Variants in INPP5A observed in about 807,000 individuals in gnomAD.
The protein encoded by INPP5A is inositol polyphosphate-5-phosphatase A.
Under a neutral mutation model 65.2 loss-of-function variants are expected in INPP5A, and 14 were observed. That is an observed-to-expected ratio of 0.21 (90% CI 0.14 to 0.34). The LOEUF is 0.34. Among genes scored for constraint, INPP5A ranks in the 10% least tolerant of loss-of-function variants. The pLI, the probability that INPP5A is intolerant of heterozygous loss-of-function variation, is 1.00. For missense variants in INPP5A, 431 were observed against 545.6 expected (o/e 0.79, Z 2.09); for synonymous variants, 207 against 208.3 (o/e 0.99, Z 0.05).
chr10:132,754,591 G>A (rs969533436), intron 11 of INPP5A, among the ~76,000 whole-genome samples: 35 of 152,360 alleles, frequency 2.3e-4, no homozygotes, highest in African/African-American at 7.9e-4. Flanking sequence ...AACCACACAC[G>A]AATTTCCTTT....
chr10:132,741,802 C>T lies in INPP5A; in HGVS notation c.733-7715C>T, dbSNP rs1032956206. Among the ~76,000 whole-genome samples the T allele has an allele frequency of 1.5e-4, 16 of 108,644 alleles. No homozygotes were observed. Among genetic ancestry groups the T allele is most frequent in the African/African-American group, 4.5e-4 (15 of 33,496 alleles). The allele number at this position is 108,644 out of a possible 152,430, so 71.3% of individuals were successfully genotyped here. A position where few individuals can be genotyped will look rare whatever the true frequency, so the allele number is the denominator to read the frequency against. On this transcript the variant is annotated intron_variant, in intron 9 of 15. Transcript: ENST00000368594. This position sits in a 1 kb window ranked among gnomAD's most constrained non-coding sequence, Gnocchi z 4.4. ...GCGTCCGCTTGCTTTACTCAATAGC[C>T]GACGTAAACTGAGGTGGACGTTGGC...
chr10:132,757,679 C>T (rs947991347), intron 11 of INPP5A, among the ~76,000 whole-genome samples: 8 of 152,208 alleles, frequency 5.3e-5, no homozygotes, highest in Admixed American at 3.3e-4. Context: ...TGGACCACAG[C>T]GGAGCAGAGA....
Position 132,697,987 on chromosome 10 carries a change from A to G in INPP5A, c.474+68A>G. On this transcript the variant is annotated intron_variant, in intron 6 of 15. Coordinates refer to ENST00000368594, the MANE Select transcript of INPP5A (RefSeq NM_005539.5). The surrounding 1 kb of genome is among the most constrained non-coding windows in gnomAD (Gnocchi z 5.6). ...GTGAGCCAGTCAGAAGTGACATGGA[A>G]CACGGAATTTTCGCATTGCACTGTT... is the stretch of plus-strand genomic sequence containing the variant. 9.4e-7 allele frequency: 1 copy of G among 1,065,362 alleles called. No individual in the cohort carries two copies. Among genetic ancestry groups the G allele is most frequent in the Non-Finnish European group, 1.4e-6 (1 of 694,460 alleles). 66.0% of individuals were successfully genotyped at this position (1,065,362 alleles called of 1,614,324 possible).
At chr10:132,655,793 A>G (rs532012644) in intron 4 of INPP5A, among the ~76,000 whole-genome samples, 1 of 152,228 alleles carries the variant, frequency 6.6e-6, no homozygotes, top group African/African-American at 2.4e-5. Flanking sequence ...AGCCAAGGCC[A>G]CCCCATCCTC....
chr10:132,612,959 G>GGGT (rs2071979576), intron 2 of INPP5A, among the ~76,000 whole-genome samples: 1 of 152,128 alleles, frequency 6.6e-6, no homozygotes, highest in Non-Finnish European at 1.5e-5. Context: ...GGTCTCTGCA[G>GGGT]CCTGTTCAGT....
At chr10:132,579,241 G>A (rs895952831) in intron 1 of INPP5A, among the ~76,000 whole-genome samples, 1 of 151,854 alleles carries the variant, frequency 6.6e-6, no homozygotes, top group Admixed American at 6.6e-5. Context: ...GGCCGGTGAC[G>A]GAGGGGACCG....
chr10:132,701,569 G>A (rs1845438118), intron 6 of INPP5A, among the ~76,000 whole-genome samples: 1 of 152,252 alleles, frequency 6.6e-6, no homozygotes, highest in Admixed American at 6.5e-5. Flanking sequence ...AGCGTTGGCT[G>A]AGGCCCCAGG....
chr10:132,692,789 G>T (rs1458265355), intron 5 of INPP5A, among the ~76,000 whole-genome samples: 2 of 152,162 alleles, frequency 1.3e-5, no homozygotes, highest in Non-Finnish European at 2.9e-5. Flanking sequence ...TGCAAGAAAT[G>T]CTAAAAGAAG....
intron 9 of INPP5A, among the ~76,000 whole-genome samples, chr10:132,742,494 A>G (rs1303955624): frequency 1.3e-5 from 2 of 152,136 alleles, no homozygotes; most frequent in Non-Finnish European, 2.9e-5. Context: ...CGTTGGTCTC[A>G]GGTCCTGCCT....
intron 9 of INPP5A, among the ~76,000 whole-genome samples, chr10:132,737,981 C>G (rs143936890): frequency 0.017 from 2,579 of 152,074 alleles, 76 homozygotes; most frequent in African/African-American, 0.057. Context: ...TATATTGATG[C>G]CAAGAATCTT....
intron 1 of INPP5A, among the ~76,000 whole-genome samples, chr10:132,595,167 C>G (rs1325577683): frequency 6.6e-6 from 1 of 152,186 alleles, no homozygotes; most frequent in Non-Finnish European, 1.5e-5. Flanking sequence ...TGCTGGCACC[C>G]TTTCTGGAGT....
intron 4 of INPP5A, among the ~76,000 whole-genome samples, chr10:132,671,426 G>A (rs1295686294): frequency 3.4e-5 from 5 of 147,522 alleles, no homozygotes; most frequent in South Asian, 2.1e-4. Flanking sequence ...TTCGGACTCC[G>A]CCCTCCCTGC....
intron 4 of INPP5A, among the ~76,000 whole-genome samples, chr10:132,654,020 G>A (rs1331833467): frequency 1.3e-5 from 2 of 152,266 alleles, no homozygotes; most frequent in African/African-American, 4.8e-5. Flanking sequence ...AAACCAGGGT[G>A]CGGGGCACCA....
intron 2 of INPP5A, among the ~76,000 whole-genome samples, chr10:132,617,997 G>T (rs1312843442): frequency 6.6e-6 from 1 of 152,158 alleles, no homozygotes; most frequent in Non-Finnish European, 1.5e-5. Context: ...TTATGATATA[G>T]TTAGGCCTTA....
At chr10:132,567,460 T>TA (rs1019138936) in intron 1 of INPP5A, among the ~76,000 whole-genome samples, 3 of 152,222 alleles carry the variant, frequency 2.0e-5, no homozygotes, top group African/African-American at 7.2e-5. Flanking sequence ...GGGCAACTTT[T>TA]AAAAACCTTT....
chr10:132,651,644 C>T lies in INPP5A; in HGVS notation c.306+1139C>T, dbSNP rs1238728477. ...AGGCCCTTGTTAATCTGCCCTCTCCCAGGTGGGCCCCCGTAGGCTGCAGTG... is the reference window on the plus strand; with the variant it reads ...AGGCCCTTGTTAATCTGCCCTCTCCTAGGTGGGCCCCCGTAGGCTGCAGTG... On this transcript the variant is annotated intron_variant, in intron 4 of 15. Transcript: ENST00000368594. This position sits in a 1 kb window ranked among gnomAD's most constrained non-coding sequence, Gnocchi z 5.0. Among the ~76,000 whole-genome samples, 1 of 152,216 alleles carries T rather than the reference C, an allele frequency of 6.6e-6. No homozygotes were observed. The highest frequency in any genetic ancestry group is 6.5e-5 in the Admixed American group (1 of 15,290).
At chr10:132,563,589 C>T (rs1055460978) in intron 1 of INPP5A, among the ~76,000 whole-genome samples, 4 of 152,050 alleles carry the variant, frequency 2.6e-5, no homozygotes, top group Non-Finnish European at 4.4e-5. Flanking sequence ...CACTGAATAA[C>T]TTCAAAATCA....
At chr10:132,628,531 A>G (rs1474678700) in intron 2 of INPP5A, among the ~76,000 whole-genome samples, 1 of 114,918 alleles carries the variant, frequency 8.7e-6, no homozygotes, top group South Asian at 2.8e-4. Flanking sequence ...TCCTTTCCGG[A>G]TGGGGAAGGC....
At chr10:132,743,282 G>A (rs2478790) in intron 9 of INPP5A, among the ~76,000 whole-genome samples, 3 of 135,058 alleles carry the variant, frequency 2.2e-5, no homozygotes, top group East Asian at 2.3e-4. Context: ...AGCAGGGACC[G>A]GGCCCGGGAG....
Sources: allele counts gnomAD v4.1 joint callset (sites outside exome capture counted in the v4.1 genomes callset), GRCh38; gene constraint gnomAD v4.1.1; non-coding constraint Gnocchi (gnomAD v3.1); transcripts MANE v1.5; gene names NCBI Gene and HGNC (gene_info 2026-07-23, HGNC 2026-07-21).